The following ZC3H11A variants were observed in gnomAD, a reference collection of about 807,000 sequenced individuals.
The protein encoded by ZC3H11A is zinc finger CCCH domain-containing protein 11A.
Under a neutral mutation model 90.8 loss-of-function variants are expected in ZC3H11A, and 22 were observed. That is an observed-to-expected ratio of 0.24 (90% CI 0.17 to 0.35). ZC3H11A has a LOEUF of 0.35. Ranked by LOEUF, ZC3H11A falls within the 10% of genes least tolerant of loss-of-function variation. The probability of loss-of-function intolerance (pLI) is 1.00; values close to 1 mark genes in which losing one functional copy is unlikely to be tolerated. For synonymous variants in ZC3H11A, 294 were observed against 339.8 expected, an observed-to-expected ratio of 0.87 and a Z score of 1.48; for missense variants, 701 against 964.9, an observed-to-expected ratio of 0.73 and a Z score of 3.62.
intron 5 of ZC3H11A, 33 bp downstream of exon 5, chr1:203,828,455 A>T (rs1681259007): frequency 1.3e-6 from 2 of 1,574,738 alleles, no homozygotes; most frequent in Non-Finnish European, 1.7e-6. Context: ...AAAGAATATC[A>T]AATGAACACC....
intron 1 of ZC3H11A, chr1:203,800,522 G>A: frequency 7.2e-7 from 1 of 1,394,896 alleles, no homozygotes; most frequent in Non-Finnish European, 9.4e-7. Flanking sequence ...CTTAATAGCT[G>A]TAGTTGTTAA....
At chr1:203,804,674 CTTT>C (rs35042121) in intron 2 of ZC3H11A, among the ~76,000 whole-genome samples, 4 of 137,626 alleles carry the variant, frequency 2.9e-5, no homozygotes, top group African/African-American at 2.7e-5. Context: ...TTTGCCTCAT[CTTT>C]TTTTTTTTTT....
chr1:203,824,524 C>A (rs6658514), intron 4 of ZC3H11A, among the ~76,000 whole-genome samples: 110,003 of 152,038 alleles, frequency 0.72, 39,932 homozygotes, highest in Middle Eastern at 0.77. Context: ...CTTGGCCATT[C>A]GTAGGCATGT....
chr1:203,819,795 A>AAGTGCTGGGATTAC (rs1677878351), intron 4 of ZC3H11A, among the ~76,000 whole-genome samples: 1 of 150,064 alleles, frequency 6.7e-6, no homozygotes, highest in Non-Finnish European at 1.5e-5. Flanking sequence ...CGGCCTCCCA[A>AAGTGCTGGGATTAC]AGTGCTGGGA....
chr1:203,798,126 G>A, intron 1 of ZC3H11A: 1 of 1,536,130 alleles, frequency 6.5e-7, no homozygotes, highest in South Asian at 1.2e-5. Context: ...CTTTACCTTG[G>A]ATGTGTCTTT....
chr1:203,805,414 A>G (rs2102507137), intron 2 of ZC3H11A, among the ~76,000 whole-genome samples: 1 of 152,260 alleles, frequency 6.6e-6, no homozygotes, highest in African/African-American at 2.4e-5. Context: ...TACAGGTGTG[A>G]GCCACCGCGC....
chr1:203,808,464 C>T (rs1226251659), intron 2 of ZC3H11A, among the ~76,000 whole-genome samples: 22 of 152,182 alleles, frequency 1.4e-4, no homozygotes, highest in Admixed American at 1.3e-3. Flanking sequence ...TGATGATCCC[C>T]TTTAATGTAA....
At chr1:203,800,542 T>G in intron 1 of ZC3H11A, 1 of 1,324,386 alleles carries the variant, frequency 7.6e-7, no homozygotes, top group Non-Finnish European at 9.9e-7. Context: ...AATATAATCA[T>G]TATCTTTATA....
intron 1 of ZC3H11A, chr1:203,797,209 C>T (rs1183662299): frequency 1.1e-5 from 2 of 181,966 alleles, no homozygotes; most frequent in Non-Finnish European, 2.3e-5. Context: ...TGCTACTAAC[C>T]AACTCTGTGA....
rs1299904600 is a variant in ZC3H11A, at chr1:203,835,154, T to G, written c.874+1301T>G. On this transcript the variant is annotated intron_variant, in intron 10 of 17. Transcript: ENST00000367210. ...ATGTATTGTTGAATCAGTTATGCAC[T>G]TTACGCTCTAAGTAATAAAAAACTT... 2.6e-5 allele frequency among the ~76,000 whole-genome samples: 4 copies of G among 152,360 alleles called. No homozygotes were observed. The East Asian group carries it at 7.7e-4, about 29-fold the overall frequency.
intron 2 of ZC3H11A, among the ~76,000 whole-genome samples, chr1:203,805,238 A>G (rs144497210): frequency 0.01 from 1,519 of 149,754 alleles, 14 homozygotes; most frequent in Non-Finnish European, 0.014. Context: ...GGTTCAAGCA[A>G]TTCTCCTGCT....
chr1:203,819,637 C>A (rs556165678), intron 4 of ZC3H11A, among the ~76,000 whole-genome samples: 1 of 147,726 alleles, frequency 6.8e-6, no homozygotes, highest in Non-Finnish European at 1.5e-5. Context: ...CTAGTTCAAG[C>A]GGTTCTCCTG....
chr1:203,840,437 T>C (rs997990166), intron 12 of ZC3H11A, 63 bp downstream of exon 12: 42 of 1,518,014 alleles, frequency 2.8e-5, no homozygotes, highest in Non-Finnish European at 3.7e-5. Flanking sequence ...CCTTTGCTTT[T>C]TCTCAGATTT....
intron 2 of ZC3H11A, among the ~76,000 whole-genome samples, chr1:203,812,616 C>G (rs1016740367): frequency 5.7e-5 from 8 of 140,120 alleles, no homozygotes; most frequent in African/African-American, 1.9e-4. Context: ...GAGTCTCACT[C>G]TGTTGCCCAG....
chr1:203,811,143 C>CAAA (rs535589700), intron 2 of ZC3H11A, among the ~76,000 whole-genome samples: 2 of 73,600 alleles, frequency 2.7e-5, no homozygotes, highest in African/African-American at 4.8e-5. Flanking sequence ...AACTCTGTCA[C>CAAA]AAAAAAAAAA....
chr1:203,809,017 A>C (rs553119335), intron 2 of ZC3H11A, among the ~76,000 whole-genome samples: 1 of 151,880 alleles, frequency 6.6e-6, no homozygotes, highest in Admixed American at 6.6e-5. Context: ...TTTAGTAGAG[A>C]CAGGATTTCA....
intron 2 of ZC3H11A, among the ~76,000 whole-genome samples, chr1:203,805,204 G>C (rs538498229): frequency 1.4e-5 from 2 of 147,678 alleles, no homozygotes; most frequent in African/African-American, 5.0e-5. Flanking sequence ...GGGTGATCTT[G>C]GCTCACTGGA....
chr1:203,841,636 G>A (rs959167334), intron 12 of ZC3H11A, among the ~76,000 whole-genome samples: 10 of 152,314 alleles, frequency 6.6e-5, no homozygotes, highest in African/African-American at 2.2e-4. Flanking sequence ...AACCGCCTTT[G>A]TCATCATGGC....
chr1:203,809,715 AGGCTGAGATG>A (rs1385368223), intron 2 of ZC3H11A, among the ~76,000 whole-genome samples: 1 of 152,076 alleles, frequency 6.6e-6, no homozygotes, highest in Non-Finnish European at 1.5e-5. Flanking sequence ...GCACTTTGTG[AGGCTGAGATG>A]GGCAGATCAC....
Sources: gnomAD v4.1 joint callset for allele counts (sites outside exome capture counted in the v4.1 genomes callset) on GRCh38, gnomAD v4.1.1 for gene constraint, MANE v1.5 for transcripts, NCBI Gene and HGNC (gene_info 2026-07-23, HGNC 2026-07-21) for gene names.